Variants in SLC6A17 observed in about 807,000 individuals in gnomAD.
SLC6A17 encodes the protein solute carrier family 6 member 17, also known as sodium-dependent neutral amino acid transporter SLC6A17.
SLC6A17 carries 21 observed loss-of-function variants against 64.5 expected under a neutral mutation model. That is an observed-to-expected ratio of 0.33 (90% CI 0.23 to 0.47). The LOEUF is 0.47. Ranked by LOEUF, SLC6A17 falls within the 20% of genes least tolerant of loss-of-function variation. The probability of loss-of-function intolerance (pLI) is 1.00; values close to 1 mark genes in which losing one functional copy is unlikely to be tolerated. For missense variants in SLC6A17, 682 were observed against 963.2 expected, an observed-to-expected ratio of 0.71 and a Z score of 3.86; for synonymous variants, 372 against 399.5, an observed-to-expected ratio of 0.93 and a Z score of 0.82.
At chr1:110,177,455 A>C (rs1010955169) in intron 6 of SLC6A17, among the ~76,000 whole-genome samples, 3 of 152,240 alleles carry the variant, frequency 2.0e-5, no homozygotes, top group Non-Finnish European at 4.4e-5. Context: ...GTCTCCACCC[A>C]TGGCCTTGCC....
chr1:110,195,891 C>T (rs1280781936), intron 10 of SLC6A17, 146 bp downstream of exon 10: 7 of 1,204,664 alleles, frequency 5.8e-6, no homozygotes, highest in Non-Finnish European at 8.1e-6. Context: ...AGTGCAAGGA[C>T]ATGGCTGCCT....
rs1450407744 is a variant in SLC6A17 at position 110,198,598 on chromosome 1, G to C, written c.*154G>C. ...TGCCTCACTCCCCTCTTCAGTCCCA[G>C]TAGACTCTGCTCCCTAGCCCTGAGC... is the stretch of plus-strand genomic sequence containing the variant. On this transcript the variant is annotated 3_prime_UTR_variant, in exon 12 of 12. Coordinates refer to ENST00000331565, the MANE Select transcript of SLC6A17 (RefSeq NM_001010898.4). The C allele has an allele frequency of 3.1e-6, 4 of 1,299,992 alleles. No individual in the cohort carries two copies. Among genetic ancestry groups the C allele is most frequent in the Non-Finnish European group, 3.1e-6 (3 of 960,860 alleles). 80.5% of individuals were successfully genotyped at this position (1,299,992 alleles called of 1,614,324 possible).
rs752903151 is a variant in SLC6A17, at chr1:110,198,143, C to T, written c.1883C>T (p.Ala628Val). The change falls in exon 12 of 12, where the codon GCG becomes GTG. Residue 628 changes from alanine to valine, a missense_variant. Ala to Val is a moderately conservative substitution (Grantham distance 64). Coordinates refer to ENST00000331565, the MANE Select transcript of SLC6A17 (RefSeq NM_001010898.4). ...MALLITLIVV[A>V]TLPIPVVFVL... ...CTCCTGATCACCCTCATCGTCGTGGCGACGCTGCCCATCCCTGTGGTGTTC... is the reference window on the plus strand; with the variant it reads ...CTCCTGATCACCCTCATCGTCGTGGTGACGCTGCCCATCCCTGTGGTGTTC... The T allele has an allele frequency of 1.6e-5, 26 of 1,613,838 alleles. No individual in the cohort carries two copies. The highest frequency in any genetic ancestry group is 1.3e-4 in the East Asian group (6 of 44,894).
At chr1:110,165,428 G>T (rs369684988) in intron 1 of SLC6A17, among the ~76,000 whole-genome samples, 2 of 152,178 alleles carry the variant, frequency 1.3e-5, no homozygotes, top group East Asian at 3.9e-4. Flanking sequence ...CCCTGTCATA[G>T]TTACCCCAAA....
intron 6 of SLC6A17, among the ~76,000 whole-genome samples, chr1:110,186,142 A>G (rs1473860479): frequency 1.3e-5 from 2 of 152,274 alleles, no homozygotes; most frequent in East Asian, 3.9e-4. Context: ...TTAACAAACA[A>G]ATTTTTTTTC....
At chr1:110,167,330 A>C in intron 2 of SLC6A17, 115 bp downstream of exon 2, 14 of 1,307,432 alleles carry the variant, frequency 1.1e-5, no homozygotes, top group Middle Eastern at 2.5e-4. Flanking sequence ...GTTGGAGCTC[A>C]GGATTCCAGA....
intron 6 of SLC6A17, among the ~76,000 whole-genome samples, chr1:110,178,313 C>G (rs147694072): frequency 1.3e-5 from 2 of 152,262 alleles, no homozygotes; most frequent in African/African-American, 2.4e-5. Context: ...GTATGTAACT[C>G]TAGGAGCAAG....
At position 110,195,772 on chromosome 1, in the gene SLC6A17, G is replaced by A. The variant is rs758782787; in HGVS notation, c.1652+27G>A. On this transcript the variant is annotated intron_variant, in intron 10 of 11. Transcript: ENST00000331565. ...TAAGAGGAACATGGGGGAAAGGTGG[G>A]ATGGGAGGAGGGGTCTGTCCTATCA... The A allele has an allele frequency of 1.2e-5, 19 of 1,613,616 alleles. No homozygotes were observed. In the East Asian group the frequency reaches 4.2e-4, roughly 36 times the overall value.
intron 6 of SLC6A17, among the ~76,000 whole-genome samples, chr1:110,188,459 G>A (rs778534517): frequency 3.3e-5 from 5 of 152,028 alleles, no homozygotes; most frequent in Non-Finnish European, 5.9e-5. Flanking sequence ...CCTTCCTTCC[G>A]GCATACTCAT....
chr1:110,150,535 A>C lies in SLC6A17; in HGVS notation c.-436A>C, dbSNP rs1303223829. Reference sequence around the variant, plus strand: ...GAACAGTGCGCGCAGCGCTCCGCCCAGCTCCGTTCTGCTCCGCAGAGCCGG... The same window carrying C: ...GAACAGTGCGCGCAGCGCTCCGCCCCGCTCCGTTCTGCTCCGCAGAGCCGG... On this transcript the variant is annotated 5_prime_UTR_variant, in exon 1 of 12. Transcript: ENST00000331565. 6.6e-6 allele frequency: 1 copy of C among 152,252 alleles called. No homozygotes were observed. 9.4% of individuals were successfully genotyped at this position (152,252 alleles called of 1,614,324 possible).
At chr1:110,173,892 C>G (rs1359742819) in intron 3 of SLC6A17, 81 bp from the exon 4 acceptor site, 13 of 1,552,178 alleles carry the variant, frequency 8.4e-6, no homozygotes, top group Non-Finnish European at 1.0e-5. Context: ...GCGCTGCCGA[C>G]GTGCTGGGCC....
intron 6 of SLC6A17, among the ~76,000 whole-genome samples, chr1:110,186,378 G>C (rs1253645803): frequency 6.6e-6 from 1 of 151,188 alleles, no homozygotes; most frequent in African/African-American, 2.4e-5. Flanking sequence ...GTATGAATTT[G>C]GGTCTCACAG....
Position 110,199,605 on chromosome 1 carries a change from A to G in SLC6A17, c.*1161A>G, listed in dbSNP as rs74117553. Reference sequence around the variant, plus strand: ...CACATCATGTGCAGACACCTTGGAAACCTTTCCCAAGCCTTCCTGGCCCAC... The same window carrying G: ...CACATCATGTGCAGACACCTTGGAAGCCTTTCCCAAGCCTTCCTGGCCCAC... On this transcript the variant is annotated 3_prime_UTR_variant, in exon 12 of 12. Coordinates refer to ENST00000331565, the MANE Select transcript of SLC6A17 (RefSeq NM_001010898.4). 1,343 of 208,262 alleles carry G rather than the reference A, an allele frequency of 6.4e-3. 18 individuals are homozygous for G. The highest frequency in any genetic ancestry group is 0.029 in the African/African-American group (1,253 of 43,684). 12.9% of individuals were successfully genotyped at this position (208,262 alleles called of 1,614,324 possible).
intron 2 of SLC6A17, among the ~76,000 whole-genome samples, chr1:110,169,477 A>G (rs1656159393): frequency 6.6e-6 from 1 of 152,214 alleles, no homozygotes; most frequent in Non-Finnish European, 1.5e-5. Flanking sequence ...GAGATTAAAT[A>G]ATTTTCCCAA....
intron 6 of SLC6A17, among the ~76,000 whole-genome samples, chr1:110,186,803 G>A (rs1234499187): frequency 6.6e-6 from 1 of 152,204 alleles, no homozygotes; most frequent in South Asian, 2.1e-4. Flanking sequence ...AACCTGTGAC[G>A]TGGGTATTGA....
chr1:110,155,596 C>G (rs1655734679), intron 1 of SLC6A17, among the ~76,000 whole-genome samples: 1 of 152,172 alleles, frequency 6.6e-6, no homozygotes, highest in Non-Finnish European at 1.5e-5. Flanking sequence ...TACCCCAGCT[C>G]ACAGGCCCTG....
intron 1 of SLC6A17, among the ~76,000 whole-genome samples, chr1:110,163,697 C>T (rs1655975655): frequency 1.3e-5 from 2 of 152,228 alleles, no homozygotes; most frequent in African/African-American, 4.8e-5. Context: ...TCACACACAG[C>T]ACAGCCGTGC....
At position 110,166,857 on chromosome 1, in the gene SLC6A17, A is replaced by C. The variant is rs1276873738; in HGVS notation, c.-73A>C. On this transcript the variant is annotated 5_prime_UTR_variant, in exon 2 of 12. Coordinates refer to ENST00000331565, the MANE Select transcript of SLC6A17 (RefSeq NM_001010898.4). Reference sequence around the variant, plus strand: ...TGGTTTCCTAGGTCCCTGAATGAGAAGGAGCTGACAGCAGCTGAATTCCAT... The same window carrying C: ...TGGTTTCCTAGGTCCCTGAATGAGACGGAGCTGACAGCAGCTGAATTCCAT... The C allele has an allele frequency of 8.0e-6, 12 of 1,507,860 alleles. No individual in the cohort carries two copies. Among genetic ancestry groups the C allele is most frequent in the Non-Finnish European group, 8.9e-6 (10 of 1,124,452 alleles). The allele number at this position is 1,507,860 out of a possible 1,614,324, so 93.4% of individuals were successfully genotyped here.
chr1:110,196,631 T>C (rs912596595), intron 10 of SLC6A17, among the ~76,000 whole-genome samples: 1 of 152,150 alleles, frequency 6.6e-6, no homozygotes, highest in African/African-American at 2.4e-5. Flanking sequence ...TAAGATAAAA[T>C]GTGTAGGGTT....
Sources: gnomAD v4.1 joint callset for allele counts (sites outside exome capture counted in the v4.1 genomes callset) on GRCh38, gnomAD v4.1.1 for gene constraint, MANE v1.5 for transcripts, NCBI Gene and HGNC (gene_info 2026-07-23, HGNC 2026-07-21) for gene names.